Variants in SYK observed in about 807,000 individuals in gnomAD.
SYK encodes tyrosine-protein kinase SYK.
SYK carries 16 observed loss-of-function variants against 77.8 expected under a neutral mutation model. That is an observed-to-expected ratio of 0.21 (90% CI 0.14 to 0.31). SYK has a LOEUF of 0.31. Ranked by LOEUF, SYK falls within the 10% of genes least tolerant of loss-of-function variation. The pLI is 1.00. For missense variants in SYK, 529 were observed against 814.4 expected (o/e 0.65, Z 4.26); for synonymous variants, 312 against 308.7 (o/e 1.01, Z -0.11).
intron 1 of SYK, among the ~76,000 whole-genome samples, chr9:90,808,186 G>A (rs1824917945): frequency 6.6e-6 from 1 of 152,054 alleles, no homozygotes; most frequent in African/African-American, 2.4e-5. Context: ...TTTATCTCAA[G>A]GAAGCCCTTC....
At chr9:90,842,161 G>T (rs368254557) in intron 1 of SYK, among the ~76,000 whole-genome samples, 22 of 151,358 alleles carry the variant, frequency 1.5e-4, no homozygotes, top group Non-Finnish European at 2.2e-4. Flanking sequence ...TGTGTTGTTT[G>T]TAGTGTGTTG....
chr9:90,898,204 C>G lies in SYK; in HGVS notation c.*2604C>G, dbSNP rs2119025112. On this transcript the variant is annotated 3_prime_UTR_variant, in exon 14 of 14. Transcript: ENST00000375754. ...TAGTGAGGCCGTGAATATCTTGTCC[C>G]CCAGCAGGGCCGACAGTTTCTATCA... 1 of 231,108 alleles carries G rather than the reference C, an allele frequency of 4.3e-6. No individual in the cohort carries two copies. Among genetic ancestry groups the G allele is most frequent in the Middle Eastern group, 1.3e-3 (1 of 782 alleles). The allele number at this position is 231,108 out of a possible 1,614,324, so 14.3% of individuals were successfully genotyped here.
chr9:90,830,676 C>T (rs1825854124), intron 1 of SYK, among the ~76,000 whole-genome samples: 1 of 151,496 alleles, frequency 6.6e-6, no homozygotes, highest in Admixed American at 6.6e-5. Flanking sequence ...AACTCCGCCT[C>T]CCAGGTTCAT....
intron 11 of SYK, 139 bp from the exon 12 acceptor site, chr9:90,887,610 C>A: frequency 2.1e-6 from 2 of 932,248 alleles, no homozygotes; most frequent in Non-Finnish European, 1.5e-6. Flanking sequence ...TTCCTCTTGG[C>A]CAGGCTGGTC....
Position 90,844,465 on chromosome 9 carries a change from C to T in SYK, c.417+150C>T. On this transcript the variant is annotated intron_variant, in intron 2 of 13. Coordinates refer to ENST00000375754, the MANE Select transcript of SYK (RefSeq NM_003177.7). Reference sequence around the variant, plus strand: ...AAGCATCAATTTTGGCCAAAAAATGCCTCTCTCTGATAAGAGCCTTTCCTC... The same window carrying T: ...AAGCATCAATTTTGGCCAAAAAATGTCTCTCTCTGATAAGAGCCTTTCCTC... 3 of 900,502 alleles carry T rather than the reference C, an allele frequency of 3.3e-6. No homozygotes were observed. In the South Asian group the frequency reaches 5.6e-5, roughly 17 times the overall value. 55.8% of individuals were successfully genotyped at this position (900,502 alleles called of 1,614,324 possible). A position where few individuals can be genotyped will look rare whatever the true frequency, so the allele number is the denominator to read the frequency against.
At chr9:90,818,578 C>G (rs1825386398) in intron 1 of SYK, among the ~76,000 whole-genome samples, 1 of 152,234 alleles carries the variant, frequency 6.6e-6, no homozygotes. Context: ...AGGCTCTGCT[C>G]ATGCATAATC....
chr9:90,856,336 T>G (rs1827035358), intron 3 of SYK, among the ~76,000 whole-genome samples: 1 of 152,358 alleles, frequency 6.6e-6, no homozygotes, highest in East Asian at 1.9e-4. Flanking sequence ...CTTGCTACTT[T>G]TTTCTTCAAA....
At chr9:90,828,982 G>A (rs558762635) in intron 1 of SYK, among the ~76,000 whole-genome samples, 2 of 152,252 alleles carry the variant, frequency 1.3e-5, no homozygotes, top group East Asian at 3.9e-4. Flanking sequence ...TCAGACATTA[G>A]AGTGCTTAAA....
At chr9:90,853,757 A>G (rs1436980105) in intron 3 of SYK, among the ~76,000 whole-genome samples, 1 of 152,134 alleles carries the variant, frequency 6.6e-6, no homozygotes, top group African/African-American at 2.4e-5. Context: ...GCTTTAGGAG[A>G]TATACCTAAT....
intron 3 of SYK, among the ~76,000 whole-genome samples, chr9:90,858,709 A>G (rs12000793): frequency 0.15 from 23,216 of 152,286 alleles, 2,632 homozygotes; most frequent in African/African-American, 0.28. Context: ...CCTGCAGCCA[A>G]CAGATACCTC....
intron 7 of SYK, among the ~76,000 whole-genome samples, chr9:90,873,254 A>C (rs925020640): frequency 6.6e-6 from 1 of 152,018 alleles, no homozygotes; most frequent in Non-Finnish European, 1.5e-5. Flanking sequence ...AACTTTCTCC[A>C]TAATCTGGCA....
intron 3 of SYK, among the ~76,000 whole-genome samples, chr9:90,854,981 G>A (rs1008366975): frequency 9.8e-5 from 13 of 132,660 alleles, no homozygotes; most frequent in Admixed American, 4.7e-4. Context: ...CCTACAGCCC[G>A]CCTCTCTCTC....
intron 11 of SYK, among the ~76,000 whole-genome samples, chr9:90,880,460 A>G (rs1318040953): frequency 6.6e-6 from 1 of 152,240 alleles, no homozygotes; most frequent in Non-Finnish European, 1.5e-5. Flanking sequence ...GGGCCTGGAT[A>G]GAAATAGCAG....
chr9:90,854,029 G>A (rs892340784), intron 3 of SYK, among the ~76,000 whole-genome samples: 2 of 152,076 alleles, frequency 1.3e-5, no homozygotes, highest in African/African-American at 2.4e-5. Flanking sequence ...GCAGGAGCCC[G>A]GGCATCTACA....
intron 3 of SYK, among the ~76,000 whole-genome samples, chr9:90,857,479 T>C (rs967472744): frequency 2.0e-5 from 3 of 152,246 alleles, no homozygotes; most frequent in African/African-American, 7.2e-5. Flanking sequence ...TGTAATAAAA[T>C]GTTTTAAACG....
At chr9:90,842,003 AGT>A (rs1179445772) in intron 1 of SYK, among the ~76,000 whole-genome samples, 1 of 116,604 alleles carries the variant, frequency 8.6e-6, no homozygotes, top group East Asian at 2.4e-4. Flanking sequence ...TTGTGTGTGC[AGT>A]GTGTGATATG....
Position 90,874,707 on chromosome 9 carries a change from G to T in SYK, c.1039G>T (p.Val347Leu). The change falls in exon 9 of 14, where the codon GTG (valine) becomes TTG (leucine). Residue 347 changes from valine to leucine, a missense_variant. This residue lies in a region of SYK where 208 missense variants were observed against 381.3 expected (regional missense o/e 0.55). Transcript: ENST00000375754. Reference protein sequence around the residue: ...QREALPMDTEVYESPYADPEE... With the variant: ...QREALPMDTELYESPYADPEE... The stretch of plus-strand genomic sequence containing the variant: ...AGAAGCCCTACCCATGGACACAGAG[G>T]TGTACGAGAGCCCCTACGCGGACCC... 6.2e-7 allele frequency: 1 copy of T among 1,614,114 alleles called. No individual in the cohort carries two copies. The highest frequency in any genetic ancestry group is 8.5e-7 in the Non-Finnish European group (1 of 1,179,996).
chr9:90,851,718 A>T lies in SYK; in HGVS notation c.578+6124A>T, dbSNP rs567566001. On this transcript the variant is annotated intron_variant, in intron 3 of 13. Transcript: ENST00000375754. ...AGCAGCACAGTTTGCTATTTTGAGA[A>T]GCTAGTCACAGCTGTCTGTGAAAAA... Among the ~76,000 whole-genome samples, 3 of 152,302 alleles carry T rather than the reference A, an allele frequency of 2.0e-5. No homozygotes were observed. The South Asian group carries it at 6.2e-4, about 32-fold the overall frequency.
intron 3 of SYK, among the ~76,000 whole-genome samples, chr9:90,860,891 C>T (rs1827230513): frequency 6.6e-6 from 1 of 152,086 alleles, no homozygotes; most frequent in African/African-American, 2.4e-5. Flanking sequence ...CCCCAGTACC[C>T]AGACGTCCCA....
Sources: gnomAD v4.1 joint callset for allele counts (sites outside exome capture counted in the v4.1 genomes callset) on GRCh38, gnomAD v4.1.1 for gene constraint, gnomAD v4.1.1 regional missense constraint, MANE v1.5 for transcripts, NCBI Gene and HGNC (gene_info 2026-07-23, HGNC 2026-07-21) for gene names.